PCDHGB3: variants seen among roughly 807,000 people sequenced by gnomAD.
PCDHGB3 encodes the protein protocadherin gamma-B3.
A neutral mutation model predicts 59.2 loss-of-function variants in PCDHGB3; 40 were observed. The ratio of observed to expected loss-of-function variants is 0.68; its 90% CI spans 0.52 to 0.88. The LOEUF is 0.88. PCDHGB3 is among the 40% of genes least tolerant of loss of function. The pLI, the probability that PCDHGB3 is intolerant of heterozygous loss-of-function variation, is 0.00. For synonymous variants in PCDHGB3, 581 were observed against 503.6 expected (o/e 1.15, Z -2.06); for missense variants, 1,309 against 1,187.9 (o/e 1.10, Z -1.50).
Position 141,463,438 on chromosome 5 carries a change from CTTTTTTTTT to C in PCDHGB3, c.2416-31349_2416-31341del, listed in dbSNP as rs71576115. 5.5e-3 allele frequency among the ~76,000 whole-genome samples: 572 copies of C among 103,208 alleles called. 4 individuals carry two copies. The highest frequency in any genetic ancestry group is 8.7e-3 in the Non-Finnish European group (462 of 53,292). The allele number at this position is 103,208 out of a possible 152,430, so 67.7% of individuals were successfully genotyped here. On this transcript the variant is annotated intron_variant, in intron 1 of 3. Transcript: ENST00000576222. ...GTTTGCGGATCCTCATTTCCTTCTC[CTTTTTTTTT>C]TTTTTTTTTTTTTTTTTTTGAGATG...
rs1408454981 is a variant in PCDHGB3, at chr5:141,489,682, T to C, written c.2416-5125T>C. The C allele has an allele frequency of 6.2e-7, 1 of 1,614,184 alleles. No individual in the cohort carries two copies. The highest frequency in any genetic ancestry group is 8.5e-7 in the Non-Finnish European group (1 of 1,180,024). On this transcript the variant is annotated intron_variant, in intron 1 of 3. Transcript: ENST00000576222. This position sits in a 1 kb window ranked among gnomAD's most constrained non-coding sequence, Gnocchi z 4.5. ...GATGCGCATCTCAGAATCAGCAGCATCTGGGGCACGATTCCCACTGGACAG... is the reference window on the plus strand; with the variant it reads ...GATGCGCATCTCAGAATCAGCAGCACCTGGGGCACGATTCCCACTGGACAG...
intron 1 of PCDHGB3, chr5:141,416,848 G>A (rs2154546681): frequency 1.3e-5 from 2 of 152,166 alleles, no homozygotes; most frequent in East Asian, 3.9e-4. Flanking sequence ...ATAATTCCAT[G>A]ATTTTTTTCA....
chr5:141,437,664 A>G (rs10035418), intron 1 of PCDHGB3, among the ~76,000 whole-genome samples: 45,525 of 151,942 alleles, frequency 0.3, 8,040 homozygotes, highest in African/African-American at 0.5. Context: ...AGTTTCGAAG[A>G]GATGTTGATC....
chr5:141,422,314 C>G (rs1207977453), intron 1 of PCDHGB3: 2 of 1,547,838 alleles, frequency 1.3e-6, no homozygotes, highest in Non-Finnish European at 1.7e-6. Context: ...AAACTCTCCT[C>G]CAGGTACAGT....
At chr5:141,376,556 A>G in intron 1 of PCDHGB3, 1 of 1,611,100 alleles carries the variant, frequency 6.2e-7, no homozygotes, top group Non-Finnish European at 8.5e-7. Context: ...TCTTCCCGCA[A>G]CCCAACTAAT....
At position 141,512,133 on chromosome 5, in the gene PCDHGB3, G is replaced by C. The variant is rs1394116556; in HGVS notation, c.*960G>C. 1 of 152,708 alleles carries C rather than the reference G, an allele frequency of 6.5e-6. No homozygotes were observed. Among genetic ancestry groups the C allele is most frequent in the Non-Finnish European group, 1.5e-5 (1 of 68,102 alleles). The allele number at this position is 152,708 out of a possible 1,614,324, so 9.5% of individuals were successfully genotyped here. On this transcript the variant is annotated 3_prime_UTR_variant, in exon 4 of 4. Transcript: ENST00000576222. ...CCACTACATAATAGGGCTCAGCCCA[G>C]GCAGCCAGCTTTGGGCTGAGCTAAC...
chr5:141,410,589 A>G (rs2095410065), intron 1 of PCDHGB3: 1 of 1,609,086 alleles, frequency 6.2e-7, no homozygotes, highest in Non-Finnish European at 8.5e-7. Flanking sequence ...GGTGGGGAGG[A>G]TTTGACTTCA....
rs767225609 is a variant in PCDHGB3 at position 141,390,056 on chromosome 5, C to T, written c.2415+17247C>T. On this transcript the variant is annotated intron_variant, in intron 1 of 3. Transcript: ENST00000576222. ...CCTCCAGCCCCGCCTCCTGGAGCTG[C>T]TTCCAGCCTGGTCTCTGTGTTAAAT... 9 of 1,613,960 alleles carry T rather than the reference C, an allele frequency of 5.6e-6. No homozygotes were observed. In the Admixed American group the frequency reaches 1.3e-4, roughly 24 times the overall value.
rs115990854 is a variant in PCDHGB3 at position 141,433,033 on chromosome 5, C to T, written c.2415+60224C>T. On this transcript the variant is annotated intron_variant, in intron 1 of 3. Coordinates refer to ENST00000576222, the MANE Select transcript of PCDHGB3 (RefSeq NM_018924.5). ...TGCAGACCTATTCCCACGAGGTTTC[C>T]CTCACCACGGACTCGCGGAAGAGTC... The T allele has an allele frequency of 6.4e-3, 10,342 of 1,614,162 alleles. 43 individuals are homozygous for T. The highest frequency in any genetic ancestry group is 8.6e-3 in the Middle Eastern group (52 of 6,062).
chr5:141,488,480 C>A (rs935896624), intron 1 of PCDHGB3, among the ~76,000 whole-genome samples: 6 of 152,298 alleles, frequency 3.9e-5, no homozygotes, highest in African/African-American at 1.4e-4. Flanking sequence ...GTTCCCCTAC[C>A]CAAAAACTGT....
chr5:141,441,789 A>G (rs889545483), intron 1 of PCDHGB3: 4 of 391,886 alleles, frequency 1.0e-5, no homozygotes, highest in Middle Eastern at 6.4e-4. Context: ...CCTGAATGAC[A>G]ACGCACCGCG....
intron 1 of PCDHGB3, chr5:141,414,764 A>G: frequency 6.2e-7 from 1 of 1,614,194 alleles, no homozygotes; most frequent in Non-Finnish European, 8.5e-7. Flanking sequence ...GAGCAGTTTC[A>G]TGAGCTACAG....
chr5:141,450,104 T>A (rs1041853602), intron 1 of PCDHGB3, among the ~76,000 whole-genome samples: 1 of 150,664 alleles, frequency 6.6e-6, no homozygotes, highest in African/African-American at 2.5e-5. Flanking sequence ...CCTCCCAGGT[T>A]CAAATGATTC....
At chr5:141,448,185 G>A (rs2098572532) in intron 1 of PCDHGB3, among the ~76,000 whole-genome samples, 1 of 152,020 alleles carries the variant, frequency 6.6e-6, no homozygotes, top group Non-Finnish European at 1.5e-5. Flanking sequence ...CCCTGGTTAT[G>A]TACACTTACA....
chr5:141,410,553 C>T, intron 1 of PCDHGB3: 1 of 1,613,232 alleles, frequency 6.2e-7, no homozygotes. Context: ...TGCAGTGTTT[C>T]TCCTGGAGCC....
At chr5:141,379,806 A>C (rs965954468) in intron 1 of PCDHGB3, among the ~76,000 whole-genome samples, 2 of 150,310 alleles carry the variant, frequency 1.3e-5, no homozygotes, top group African/African-American at 4.9e-5. Context: ...AGGTTTTGAG[A>C]GTTCAGTATA....
chr5:141,487,848 G>C lies in PCDHGB3; in HGVS notation c.2416-6959G>C. ...TCATGCCTATATCTGAGTAAGAAAT[G>C]AAAGTAATTGGTGATCAAGAGCCAG... is the stretch of plus-strand genomic sequence containing the variant. On this transcript the variant is annotated intron_variant, in intron 1 of 3. Coordinates refer to ENST00000576222, the MANE Select transcript of PCDHGB3 (RefSeq NM_018924.5). The surrounding 1 kb of genome is among the most constrained non-coding windows in gnomAD (Gnocchi z 5.0). 1 of 1,022,244 alleles carries C rather than the reference G, an allele frequency of 9.8e-7. No homozygotes were observed. The highest frequency in any genetic ancestry group is 1.4e-6 in the Non-Finnish European group (1 of 711,992). The allele number at this position is 1,022,244 out of a possible 1,614,324, so 63.3% of individuals were successfully genotyped here. A position where few individuals can be genotyped will look rare whatever the true frequency, so the allele number is the denominator to read the frequency against.
In PCDHGB3 at chr5:141,373,263, A is replaced by G. The variant is rs559475060; in HGVS notation, c.2415+454A>G. Among the ~76,000 whole-genome samples, 7 of 152,368 alleles carry G rather than the reference A, an allele frequency of 4.6e-5. No homozygotes were observed. In the East Asian group the frequency reaches 1.2e-3, roughly 25 times the overall value. On this transcript the variant is annotated intron_variant, in intron 1 of 3. Coordinates refer to ENST00000576222, the MANE Select transcript of PCDHGB3 (RefSeq NM_018924.5). ...CTTCCCTTTGCATGTTTTTAAAAGT[A>G]TACACAGATGTTGCCTATGTCAGGG...
chr5:141,470,627 G>A (rs977900352), intron 1 of PCDHGB3, among the ~76,000 whole-genome samples: 3 of 152,154 alleles, frequency 2.0e-5, no homozygotes, highest in Non-Finnish European at 2.9e-5. Flanking sequence ...TGCTTAGATA[G>A]GCCCCCTTGC....
Sources: gnomAD v4.1 joint callset for allele counts (sites outside exome capture counted in the v4.1 genomes callset) on GRCh38, gnomAD v4.1.1 for gene constraint, Gnocchi (gnomAD v3.1) non-coding constraint, MANE v1.5 for transcripts, NCBI Gene and HGNC (gene_info 2026-07-23, HGNC 2026-07-21) for gene names.